The following TRPV1 variants were observed in gnomAD, a reference collection of about 807,000 sequenced individuals.
TRPV1 encodes transient receptor potential cation channel subfamily V member 1, also known as OTRPC1.
In TRPV1, 82 loss-of-function variants were observed where a neutral mutation model predicts 82.3. The observed-to-expected ratio is 1.00, with a 90% CI of 0.83 to 1.20. TRPV1 has a LOEUF of 1.20. Among genes scored for constraint, TRPV1 ranks in the 50% most tolerant of loss-of-function variants. TRPV1 has a pLI of 0.00. For missense variants in TRPV1, 1,067 were observed against 1,096.8 expected, an observed-to-expected ratio of 0.97 and a Z score of 0.38; for synonymous variants, 515 against 467.7, an observed-to-expected ratio of 1.10 and a Z score of -1.30.
intron 13 of TRPV1, among the ~76,000 whole-genome samples, chr17:3,574,854 G>A (rs1027818644): frequency 6.6e-6 from 1 of 150,808 alleles, no homozygotes; most frequent in African/African-American, 2.5e-5. Context: ...TTGAACCTGG[G>A]AGGCAGAGTT....
intron 10 of TRPV1, 61 bp from the exon 11 acceptor site, chr17:3,580,588 A>G (rs541581368): frequency 6.4e-7 from 1 of 1,556,456 alleles, no homozygotes; most frequent in South Asian, 1.1e-5. Flanking sequence ...AATGGTGAGC[A>G]CTCAGATGCT....
chr17:3,586,065 G>T, intron 8 of TRPV1, 139 bp from the exon 9 acceptor site: 1 of 1,119,038 alleles, frequency 8.9e-7, no homozygotes, highest in Non-Finnish European at 1.3e-6. Context: ...GGAGGTCTGA[G>T]CCAGCCGGCA....
intron 2 of TRPV1, among the ~76,000 whole-genome samples, chr17:3,593,108 G>C (rs1346603116): frequency 2.2e-4 from 23 of 104,750 alleles, no homozygotes; most frequent in Admixed American, 6.9e-4. Flanking sequence ...GTGTGTGTGT[G>C]TGTGTGTGTG....
intron 3 of TRPV1, among the ~76,000 whole-genome samples, chr17:3,591,566 C>T (rs748787320): frequency 2.0e-5 from 3 of 152,226 alleles, no homozygotes; most frequent in Non-Finnish European, 4.4e-5. Flanking sequence ...CCCACCCTGT[C>T]TATAGACACC....
chr17:3,601,864 G>T (rs1200577329), intron 2 of TRPV1: 3 of 151,830 alleles, frequency 2.0e-5, no homozygotes, highest in African/African-American at 7.3e-5. Context: ...AATATGCTGG[G>T]ATTACAGACA....
intron 13 of TRPV1, among the ~76,000 whole-genome samples, chr17:3,575,490 A>G (rs1047290388): frequency 9.2e-5 from 14 of 152,218 alleles, no homozygotes; most frequent in Non-Finnish European, 1.9e-4. Flanking sequence ...CTCAAGAAAA[A>G]AAAAAAAAAT....
At chr17:3,589,099 G>C in intron 7 of TRPV1, 1 of 781,532 alleles carries the variant, frequency 1.3e-6, no homozygotes, top group Non-Finnish European at 2.1e-6. Flanking sequence ...CTGTCACCAG[G>C]AGCCACCAGC....
chr17:3,587,839 C>G (rs1231293586), intron 8 of TRPV1, among the ~76,000 whole-genome samples: 1 of 140,142 alleles, frequency 7.1e-6, no homozygotes, highest in African/African-American at 2.5e-5. Flanking sequence ...AATCTACACG[C>G]CCTGCCATCA....
chr17:3,570,222 G>C (rs62069883), intron 16 of TRPV1, among the ~76,000 whole-genome samples: 57,581 of 151,724 alleles, frequency 0.38, 11,843 homozygotes, highest in African/African-American at 0.55. Flanking sequence ...ATACAAAAAT[G>C]AGCCGGGCGT....
chr17:3,585,149 T>A (rs960215452), intron 9 of TRPV1: 7 of 103,738 alleles, frequency 6.7e-5, no homozygotes, highest in African/African-American at 2.1e-4. Context: ...TCCTGCGTGA[T>A]TTTTCTTTTT....
chr17:3,571,150 A>G lies in TRPV1; in HGVS notation c.2347+374T>C, dbSNP rs145552004. On this transcript the variant is annotated intron_variant, in intron 16 of 16. Transcript: ENST00000572705. ...TGTGTCCGCACAGCCTCTCAGAGCT[A>G]GGACGTCGCATGCACACGTGCAGAG... Among the ~76,000 whole-genome samples, 770 of 152,320 alleles carry G rather than the reference A, an allele frequency of 5.1e-3. 2 individuals are homozygous for G. Among genetic ancestry groups the G allele is most frequent in the Middle Eastern group, 6.8e-3 (2 of 294 alleles).
intron 16 of TRPV1, among the ~76,000 whole-genome samples, chr17:3,567,262 G>C (rs1032248596): frequency 2.0e-5 from 3 of 150,976 alleles, no homozygotes; most frequent in Non-Finnish European, 4.4e-5. Flanking sequence ...CCCAGTACTT[G>C]GGAGGCTGAG....
intron 16 of TRPV1, among the ~76,000 whole-genome samples, chr17:3,568,214 C>T (rs1031228000): frequency 2.0e-5 from 3 of 150,530 alleles, no homozygotes; most frequent in Non-Finnish European, 4.4e-5. Flanking sequence ...CCCAGCTACT[C>T]GGGAGGCTGA....
chr17:3,589,091 G>A lies in TRPV1; in HGVS notation c.1044+716C>T. On this transcript the variant is annotated intron_variant, in intron 7 of 16. Coordinates refer to ENST00000572705, the MANE Select transcript of TRPV1 (RefSeq NM_080704.4). ...ACTTGAGGCCAAGAGCTGGAGGCCT[G>A]TCACCAGGAGCCACCAGCTGGAGCT... 3.6e-6 allele frequency: 3 copies of A among 827,866 alleles called. No homozygotes were observed. The South Asian group carries it at 4.6e-5, about 13-fold the overall frequency. 51.3% of individuals were successfully genotyped at this position (827,866 alleles called of 1,614,324 possible). A position where few individuals can be genotyped will look rare whatever the true frequency, so the allele number is the denominator to read the frequency against.
intron 9 of TRPV1, among the ~76,000 whole-genome samples, chr17:3,584,795 C>CA (rs1286493412): frequency 1.3e-5 from 2 of 151,992 alleles, no homozygotes; most frequent in East Asian, 1.9e-4. Context: ...GACTCCATCT[C>CA]AAAAAAACAA....
At position 3,590,296 on chromosome 17, in the gene TRPV1, C is replaced by T; in HGVS notation, c.701G>A (p.Gly234Glu). ...CCCTTTGGTTTTCTTAAAGAAGTCCCCATGGGCCGCAGCCTGGACGTCTGC... is the reference window on the plus strand; with the variant it reads ...CCCTTTGGTTTTCTTAAAGAAGTCCTCATGGGCCGCAGCCTGGACGTCTGC... The part of the protein sequence containing the change: ...NGADVQAAAH[G>E]DFFKKTKGRP... Residue 234 changes from glycine (G) to glutamate (E), a missense_variant, in exon 6 of 17, where the codon GGG becomes GAG. By Grantham distance (98) the Gly-to-Glu change is moderately conservative (BLOSUM62 -2). Coordinates refer to ENST00000572705, the MANE Select transcript of TRPV1 (RefSeq NM_080704.4). 1.2e-6 allele frequency: 2 copies of T among 1,613,982 alleles called. No individual in the cohort carries two copies. The highest frequency in any genetic ancestry group is 1.7e-6 in the Non-Finnish European group (2 of 1,179,882).
chr17:3,584,178 C>G (rs1318474465), intron 9 of TRPV1, among the ~76,000 whole-genome samples: 5 of 152,032 alleles, frequency 3.3e-5, no homozygotes, highest in African/African-American at 1.2e-4. Context: ...ACAGAAGAAT[C>G]ACTTGAACCC....
At chr17:3,576,668 A>AAAAAAAAAAAATATATATATAT in intron 13 of TRPV1, among the ~76,000 whole-genome samples, 9 of 38,422 alleles carry the variant, frequency 2.3e-4, no homozygotes, top group African/African-American at 2.9e-4. Context: ...AAAAAAAAAA[A>AAAAAAAAAAAATATATATATAT]ATATATATAT....
In TRPV1 at chr17:3,590,991, C is replaced by T. The variant is rs756237830; in HGVS notation, c.577G>A (p.Ala193Thr). 6.8e-6 allele frequency: 11 copies of T among 1,608,738 alleles called. No homozygotes were observed. The highest frequency in any genetic ancestry group is 1.8e-4 in the Middle Eastern group (1 of 5,612). The change falls in exon 5 of 17, where the codon GCC (alanine) becomes ACC (threonine). Residue 193 changes from alanine to threonine, a missense_variant. Transcript: ENST00000572705. Reference protein sequence around the residue: ...QTDSLKELVNASYTDSYYKGQ... With the variant: ...QTDSLKELVNTSYTDSYYKGQ... ...TTGTAGTAGCTGTCCGTGTAGCTGG[C>T]GTTGACAAGCTCCTTCAGGCTGTCC...
Sources: allele counts gnomAD v4.1 joint callset (sites outside exome capture counted in the v4.1 genomes callset), GRCh38; gene constraint gnomAD v4.1.1; transcripts MANE v1.5; gene names NCBI Gene and HGNC (gene_info 2026-07-23, HGNC 2026-07-21).